Variants in RGS7BP observed in about 807,000 individuals in gnomAD.
RGS7BP encodes regulator of G protein signaling 7-binding protein.
In RGS7BP, 9 loss-of-function variants were observed where a neutral mutation model predicts 31.3. The observed-to-expected ratio is 0.29, with a 90% CI of 0.17 to 0.50. The LOEUF (loss-of-function observed/expected upper bound fraction) is 0.50. Ranked by LOEUF, RGS7BP falls within the 20% of genes least tolerant of loss-of-function variation. The pLI is 0.98. For missense variants in RGS7BP, 274 were observed against 322.0 expected (o/e 0.85, Z 1.14); for synonymous variants, 115 against 120.1 (o/e 0.96, Z 0.28).
chr5:64,520,787 A>G (rs1313812535), intron 2 of RGS7BP, among the ~76,000 whole-genome samples: 2 of 152,304 alleles, frequency 1.3e-5, no homozygotes, highest in East Asian at 3.9e-4. Flanking sequence ...CAATGAGCAC[A>G]GGGGGTGAGG....
Position 64,611,800 on chromosome 5 carries a change from CATT to C in RGS7BP, c.*2550_*2552del, listed in dbSNP as rs937573398. On this transcript the variant is annotated 3_prime_UTR_variant, in exon 6 of 6. Coordinates refer to ENST00000334025, the MANE Select transcript of RGS7BP (RefSeq NM_001029875.3). Reference sequence around the variant, plus strand: ...TTACAGTAGGTAATTCACCGTCTCACATTAGACAGGCCAATGCATCCCTTAGGA... The same window carrying C: ...TTACAGTAGGTAATTCACCGTCTCACAGACAGGCCAATGCATCCCTTAGGA... The C allele has an allele frequency of 6.6e-6, 1 of 152,138 alleles. No homozygotes were observed. Among genetic ancestry groups the C allele is most frequent in the Admixed American group, 6.6e-5 (1 of 15,198 alleles). The allele number at this position is 152,138 out of a possible 1,614,324, so 9.4% of individuals were successfully genotyped here.
chr5:64,506,929 AT>A lies in RGS7BP; in HGVS notation c.165+145del. 3 of 774,598 alleles carry A rather than the reference AT, an allele frequency of 3.9e-6. No homozygotes were observed. The highest frequency in any genetic ancestry group is 6.0e-6 in the Non-Finnish European group (3 of 496,160). The allele number at this position is 774,598 out of a possible 1,614,324, so 48.0% of individuals were successfully genotyped here. On this transcript the variant is annotated intron_variant, in intron 1 of 5. Transcript: ENST00000334025. This position sits in a 1 kb window ranked among gnomAD's most constrained non-coding sequence, Gnocchi z 4.6. ...ATGCCGATCACGTGGCACATGCACT[AT>A]TTTTAAATCTGCAGTCCCCCAAATT...
chr5:64,575,080 T>C (rs915597123), intron 2 of RGS7BP, among the ~76,000 whole-genome samples: 4 of 152,174 alleles, frequency 2.6e-5, no homozygotes, highest in Admixed American at 1.3e-4. Flanking sequence ...TGTTTTATCA[T>C]TTATATATGT....
intron 4 of RGS7BP, among the ~76,000 whole-genome samples, chr5:64,595,792 C>A (rs1379180768): frequency 6.6e-6 from 1 of 151,988 alleles, no homozygotes; most frequent in East Asian, 1.9e-4. Flanking sequence ...AAATGTAACA[C>A]ACAATGGCAT....
chr5:64,556,663 G>A (rs1241033054), intron 2 of RGS7BP, among the ~76,000 whole-genome samples: 5 of 152,058 alleles, frequency 3.3e-5, no homozygotes, highest in African/African-American at 9.7e-5. Flanking sequence ...TTTGCTTGAG[G>A]TTTGGGAAAA....
At chr5:64,538,862 C>T (rs1284291519) in intron 2 of RGS7BP, among the ~76,000 whole-genome samples, 1 of 152,086 alleles carries the variant, frequency 6.6e-6, no homozygotes, top group Non-Finnish European at 1.5e-5. Flanking sequence ...TTGAGTCTAG[C>T]TTCTTCCACT....
rs1742402597 is a variant in RGS7BP, at chr5:64,575,737, A to G, written c.333-37A>G. On this transcript the variant is annotated intron_variant, in intron 2 of 5. Transcript: ENST00000334025. ...CAAATGGCTGATGAGTGAAATCTTG[A>G]GAATGTTCACAGCTTTTCTCTTTCA... 4.4e-6 allele frequency: 7 copies of G among 1,577,092 alleles called. No homozygotes were observed. In the South Asian group the frequency reaches 8.2e-5, roughly 19 times the overall value.
At chr5:64,535,326 GT>G (rs1749478099) in intron 2 of RGS7BP, among the ~76,000 whole-genome samples, 1 of 152,144 alleles carries the variant, frequency 6.6e-6, no homozygotes. Context: ...AAGAACAAGT[GT>G]ATACACTAGA....
intron 2 of RGS7BP, among the ~76,000 whole-genome samples, chr5:64,517,420 C>T (rs1357672498): frequency 2.0e-5 from 3 of 152,174 alleles, no homozygotes; most frequent in Non-Finnish European, 4.4e-5. Flanking sequence ...TGTCACAGTA[C>T]CCAACCTATA....
intron 2 of RGS7BP, among the ~76,000 whole-genome samples, chr5:64,563,330 A>G (rs889133122): frequency 1.3e-4 from 20 of 152,052 alleles, no homozygotes; most frequent in Non-Finnish European, 8.8e-5. Context: ...ATGTCCCCCA[A>G]ATTCATATGT....
chr5:64,521,146 T>A (rs1353198136), intron 2 of RGS7BP, among the ~76,000 whole-genome samples: 1 of 152,226 alleles, frequency 6.6e-6, no homozygotes, highest in Non-Finnish European at 1.5e-5. Context: ...TTTTATTCCC[T>A]TAGTGGGTCT....
At chr5:64,550,587 A>C (rs575082895) in intron 2 of RGS7BP, among the ~76,000 whole-genome samples, 3 of 151,862 alleles carry the variant, frequency 2.0e-5, no homozygotes, top group Admixed American at 1.3e-4. Flanking sequence ...TTTTAATTTT[A>C]TTATTATTAT....
intron 5 of RGS7BP, among the ~76,000 whole-genome samples, chr5:64,600,359 G>A (rs971257901): frequency 1.3e-5 from 2 of 152,098 alleles, no homozygotes; most frequent in East Asian, 1.9e-4. Context: ...CATTCATCCA[G>A]CAGTTTTTGA....
At chr5:64,514,016 T>C (rs1748909002) in intron 2 of RGS7BP, among the ~76,000 whole-genome samples, 1 of 152,172 alleles carries the variant, frequency 6.6e-6, no homozygotes, top group South Asian at 2.1e-4. Flanking sequence ...GCAGGGTTGG[T>C]TCCCTCTGAG....
At chr5:64,540,476 C>A (rs1160378776) in intron 2 of RGS7BP, among the ~76,000 whole-genome samples, 3 of 152,080 alleles carry the variant, frequency 2.0e-5, no homozygotes, top group Non-Finnish European at 4.4e-5. Context: ...AATCTCCAAT[C>A]ATTTATCATT....
chr5:64,525,322 CA>C (rs1208096223), intron 2 of RGS7BP, among the ~76,000 whole-genome samples: 1 of 152,160 alleles, frequency 6.6e-6, no homozygotes, highest in Non-Finnish European at 1.5e-5. Context: ...ACAGAAAGAA[CA>C]GCTATTGGGA....
chr5:64,607,464 G>C (rs1185704452), intron 5 of RGS7BP, among the ~76,000 whole-genome samples: 1 of 152,034 alleles, frequency 6.6e-6, no homozygotes, highest in Non-Finnish European at 1.5e-5. Flanking sequence ...GGAAAAGCGG[G>C]ACAACTGGAA....
chr5:64,525,521 T>G (rs1229647724), intron 2 of RGS7BP, among the ~76,000 whole-genome samples: 3 of 152,228 alleles, frequency 2.0e-5, no homozygotes, highest in Admixed American at 6.5e-5. Flanking sequence ...GATATTCTAG[T>G]GATTTGCAAG....
At position 64,557,714 on chromosome 5, in the gene RGS7BP, A is replaced by G. The variant is rs144129285; in HGVS notation, c.333-18060A>G. ...TAGGACAGGAGGCAGAAAGCCTCTG[A>G]GTTTATCACTTTTGACTTTGCCCTT... On this transcript the variant is annotated intron_variant, in intron 2 of 5. Coordinates refer to ENST00000334025, the MANE Select transcript of RGS7BP (RefSeq NM_001029875.3). Among the ~76,000 whole-genome samples the G allele has an allele frequency of 4.8e-4, 73 of 152,268 alleles. No individual in the cohort carries two copies. In the East Asian group the frequency reaches 0.011, roughly 23 times the overall value.
Sources: allele counts gnomAD v4.1 joint callset (sites outside exome capture counted in the v4.1 genomes callset), GRCh38; gene constraint gnomAD v4.1.1; non-coding constraint Gnocchi (gnomAD v3.1); transcripts MANE v1.5; gene names NCBI Gene and HGNC (gene_info 2026-07-23, HGNC 2026-07-21).